PBX3: variants seen among roughly 807,000 people sequenced by gnomAD.
The protein encoded by PBX3 is pre-B-cell leukemia transcription factor 3.
PBX3 carries 14 observed loss-of-function variants against 48.5 expected under a neutral mutation model. The observed-to-expected ratio is 0.29, with a 90% confidence interval of 0.19 to 0.45. The LOEUF is 0.45. Among genes scored for constraint, PBX3 ranks in the 20% least tolerant of loss-of-function variants. PBX3 has a pLI of 1.00. For synonymous variants in PBX3, 210 were observed against 200.3 expected (o/e 1.05, Z -0.41); for missense variants, 386 against 546.7 (o/e 0.71, Z 2.93).
intron 2 of PBX3, among the ~76,000 whole-genome samples, chr9:125,893,964 A>G (rs117629049): frequency 0.026 from 3,953 of 152,148 alleles, 72 homozygotes; most frequent in South Asian, 0.044. Flanking sequence ...AACTCCTCAG[A>G]TTAAAAAAAA....
chr9:125,950,684 G>A (rs1031038299), intron 5 of PBX3, among the ~76,000 whole-genome samples: 2 of 152,094 alleles, frequency 1.3e-5, no homozygotes, highest in Non-Finnish European at 2.9e-5. Flanking sequence ...GTTTCACCAT[G>A]TTGGCCAGGC....
intron 2 of PBX3, among the ~76,000 whole-genome samples, chr9:125,767,370 T>C (rs1836826722): frequency 6.6e-6 from 1 of 152,220 alleles, no homozygotes; most frequent in Non-Finnish European, 1.5e-5. Flanking sequence ...ACTATTTGGC[T>C]GGTGAATAGT....
intron 3 of PBX3, among the ~76,000 whole-genome samples, chr9:125,926,461 A>G (rs951439789): frequency 2.0e-5 from 3 of 152,124 alleles, no homozygotes; most frequent in Admixed American, 2.0e-4. Context: ...CGGAGGTTGC[A>G]GTGAACCAAG....
chr9:125,757,191 T>C (rs996360412), intron 2 of PBX3, among the ~76,000 whole-genome samples: 1 of 152,112 alleles, frequency 6.6e-6, no homozygotes, highest in African/African-American at 2.4e-5. Flanking sequence ...TTACCTTTAC[T>C]ATCCAAGTGT....
chr9:125,747,451 G>C lies in PBX3; in HGVS notation c.-3G>C. The C allele has an allele frequency of 9.4e-6, 14 of 1,493,630 alleles. No individual in the cohort carries two copies. The highest frequency in any genetic ancestry group is 1.2e-5 in the Non-Finnish European group (13 of 1,119,172). 92.5% of individuals were successfully genotyped at this position (1,493,630 alleles called of 1,614,324 possible). A position where few individuals can be genotyped will look rare whatever the true frequency, so the allele number is the denominator to read the frequency against. ...CCGCCCGCTCCCGCCCGCGCGCGGCGGGATGGACGATCAATCCAGGATGCT... is the reference window on the plus strand; with the variant it reads ...CCGCCCGCTCCCGCCCGCGCGCGGCCGGATGGACGATCAATCCAGGATGCT... On this transcript the variant is annotated 5_prime_UTR_variant, in exon 1 of 9. Coordinates refer to ENST00000373489, the MANE Select transcript of PBX3 (RefSeq NM_006195.6).
At chr9:125,780,445 G>T (rs1277451935) in intron 2 of PBX3, among the ~76,000 whole-genome samples, 2 of 132,756 alleles carry the variant, frequency 1.5e-5, no homozygotes, top group East Asian at 2.4e-4. Flanking sequence ...CCCAGACGGG[G>T]CGGCTGGCCG....
At chr9:125,902,549 A>C (rs983041494) in intron 2 of PBX3, among the ~76,000 whole-genome samples, 1 of 151,724 alleles carries the variant, frequency 6.6e-6, no homozygotes, top group Non-Finnish European at 1.5e-5. Context: ...TTTAATTTGT[A>C]GTATCACTAA....
At chr9:125,826,357 A>G (rs1390516900) in intron 2 of PBX3, among the ~76,000 whole-genome samples, 2 of 152,158 alleles carry the variant, frequency 1.3e-5, no homozygotes, top group Non-Finnish European at 2.9e-5. Context: ...TCTCTTCAAA[A>G]TGTTTTTATG....
intron 2 of PBX3, among the ~76,000 whole-genome samples, chr9:125,864,591 T>C (rs1318163871): frequency 2.6e-5 from 4 of 152,228 alleles, no homozygotes; most frequent in Non-Finnish European, 4.4e-5. Context: ...AGGGACAGAT[T>C]ATCAGGCATT....
At chr9:125,882,676 C>T (rs1840409084) in intron 2 of PBX3, among the ~76,000 whole-genome samples, 2 of 152,156 alleles carry the variant, frequency 1.3e-5, no homozygotes, top group African/African-American at 2.4e-5. Context: ...TACATGTTGT[C>T]AATTGGATAT....
chr9:125,956,853 T>C (rs1301467477), intron 5 of PBX3, among the ~76,000 whole-genome samples: 2 of 152,170 alleles, frequency 1.3e-5, no homozygotes, highest in African/African-American at 2.4e-5. Flanking sequence ...CCATTCCAGT[T>C]CAGAGATGGA....
At chr9:125,810,668 T>C (rs1022759512) in intron 2 of PBX3, among the ~76,000 whole-genome samples, 2 of 152,188 alleles carry the variant, frequency 1.3e-5, no homozygotes, top group African/African-American at 4.8e-5. Flanking sequence ...CCATTGATTC[T>C]ATATCCCTTG....
At position 125,965,882 on chromosome 9, in the gene PBX3, A is replaced by G; in HGVS notation, c.1264A>G (p.Thr422Ala). The change falls in exon 9 of 9, where the codon ACA (threonine) becomes GCA (alanine). Residue 422 changes from threonine (T) to alanine (A), a missense_variant. Thr to Ala is a moderately conservative substitution (Grantham distance 58). This residue lies in a region of PBX3 where 127 missense variants were observed against 143.3 expected (regional missense o/e 0.89). Transcript: ENST00000373489. ...ATTPSSVTSP[T>A]EGPGSVHSDT... ...AACTCCATCTTCTGTGACTTCTCCT[A>G]CAGAAGGCCCAGGAAGTGTGCACTC... 1.2e-6 allele frequency: 2 copies of G among 1,614,064 alleles called. No individual in the cohort carries two copies. The highest frequency in any genetic ancestry group is 1.7e-6 in the Non-Finnish European group (2 of 1,179,958).
intron 2 of PBX3, among the ~76,000 whole-genome samples, chr9:125,852,527 T>C (rs1398786828): frequency 6.6e-6 from 1 of 152,200 alleles, no homozygotes; most frequent in African/African-American, 2.4e-5. Flanking sequence ...GAATAAGCAC[T>C]GTAGTGTGCA....
Position 125,915,901 on chromosome 9 carries a change from C to T in PBX3, c.490C>T (p.His164Tyr). The T allele has an allele frequency of 1.2e-6, 2 of 1,613,792 alleles. No individual in the cohort carries two copies. The highest frequency in any genetic ancestry group is 1.7e-6 in the Non-Finnish European group (2 of 1,179,858). The change falls in exon 3 of 9, where the codon CAC becomes TAC. Residue 164 changes from histidine to tyrosine, a missense_variant. Physicochemically the swap from His to Tyr is moderately conservative, Grantham distance 83 (BLOSUM62 2). Coordinates refer to ENST00000373489, the MANE Select transcript of PBX3 (RefSeq NM_006195.6). ...ATTGACCCAGATCAGACAAATCTATCACACAGAACTGGAGAAATATGAACA... is the reference window on the plus strand; with the variant it reads ...ATTGACCCAGATCAGACAAATCTATTACACAGAACTGGAGAAATATGAACA... Reference protein sequence around the residue: ...AKLTQIRQIYHTELEKYEQAC... With the variant: ...AKLTQIRQIYYTELEKYEQAC...
chr9:125,882,351 T>G (rs1840401548), intron 2 of PBX3, among the ~76,000 whole-genome samples: 1 of 143,252 alleles, frequency 7.0e-6, no homozygotes, highest in Admixed American at 7.2e-5. Context: ...AGAGAAAGAC[T>G]TGTGTCTCAA....
chr9:125,821,425 AAG>A (rs1245491295), intron 2 of PBX3, among the ~76,000 whole-genome samples: 6 of 152,140 alleles, frequency 3.9e-5, no homozygotes, highest in Non-Finnish European at 8.8e-5. Context: ...AGTTGAAAGA[AAG>A]AATCTTTTTT....
chr9:125,788,179 C>T (rs1243268075), intron 2 of PBX3, among the ~76,000 whole-genome samples: 4 of 152,154 alleles, frequency 2.6e-5, no homozygotes, highest in Non-Finnish European at 5.9e-5. Flanking sequence ...ATGCTATGGT[C>T]AGTTTATTTA....
At chr9:125,905,005 CTT>C (rs539372427) in intron 2 of PBX3, among the ~76,000 whole-genome samples, 24 of 151,984 alleles carry the variant, frequency 1.6e-4, no homozygotes, top group African/African-American at 5.8e-4. Flanking sequence ...AATCAGGTCT[CTT>C]TAGGTAATTT....
Sources: allele counts gnomAD v4.1 joint callset (sites outside exome capture counted in the v4.1 genomes callset), GRCh38; gene constraint gnomAD v4.1.1; regional missense constraint gnomAD v4.1.1; transcripts MANE v1.5; gene names NCBI Gene and HGNC (gene_info 2026-07-23, HGNC 2026-07-21).